Variants in FLOT2 observed in about 807,000 individuals in gnomAD.
FLOT2 encodes the protein flotillin 2.
Under a neutral mutation model 54.9 loss-of-function variants are expected in FLOT2, and 35 were observed. The observed-to-expected ratio is 0.64, with a 90% CI of 0.49 to 0.84. FLOT2 has a LOEUF of 0.84. Ranked by LOEUF, FLOT2 falls within the 40% of genes least tolerant of loss-of-function variation. The pLI, the probability that FLOT2 is intolerant of heterozygous loss-of-function variation, is 0.00. For synonymous variants in FLOT2, 207 were observed against 228.9 expected (o/e 0.90, Z 0.86); for missense variants, 464 against 572.1 (o/e 0.81, Z 1.93).
rs1176709909 is a variant in FLOT2, at chr17:28,882,703, G to C, written c.347-12C>G. On this transcript the variant is annotated splice_polypyrimidine_tract_variant and intron_variant, in intron 4 of 10. Transcript: ENST00000394908. This position sits in a 1 kb window ranked among gnomAD's most constrained non-coding sequence, Gnocchi z 5.6. The stretch of plus-strand genomic sequence containing the variant: ...CACTGTCAGGGTCCCTGGGGGCAGA[G>C]GGATCAAGGGCTGGCTCCCCAGGGA... 6 of 1,576,196 alleles carry C rather than the reference G, an allele frequency of 3.8e-6. No individual in the cohort carries two copies. Among genetic ancestry groups the C allele is most frequent in the Non-Finnish European group, 4.4e-6 (5 of 1,146,052 alleles).
intron 1 of FLOT2, among the ~76,000 whole-genome samples, chr17:28,889,579 G>A (rs144401412): frequency 2.0e-5 from 3 of 151,916 alleles, no homozygotes; most frequent in Non-Finnish European, 4.4e-5. Context: ...CAATCTGCCT[G>A]CCTTGGCCTC....
In FLOT2 at chr17:28,881,308, C is replaced by A; in HGVS notation, c.982G>T (p.Ala328Ser). ...GCCTTGCCCATCGCCTCGATGACTG[C>A]CGCTTCCGCCTCCCCGATTTTGCGG... The part of the protein sequence containing the change: ...KIRKIGEAEA[A>S]VIEAMGKAEA... The change falls in exon 9 of 11, where the codon GCA becomes TCA. Residue 328 changes from alanine to serine, a missense_variant. Ala to Ser is a moderately conservative substitution (Grantham distance 99). Coordinates refer to ENST00000394908, the MANE Select transcript of FLOT2 (RefSeq NM_004475.3). The A allele has an allele frequency of 6.2e-7, 1 of 1,614,050 alleles. No individual in the cohort carries two copies. Among genetic ancestry groups the A allele is most frequent in the Non-Finnish European group, 8.5e-7 (1 of 1,180,020 alleles).
At chr17:28,885,495 G>A (rs1194514799) in intron 2 of FLOT2, 6 of 684,866 alleles carry the variant, frequency 8.8e-6, no homozygotes, top group South Asian at 1.6e-5. Flanking sequence ...GCAATGAAGA[G>A]GGGAACCCAC....
chr17:28,887,552 G>T (rs1308322060), intron 2 of FLOT2, among the ~76,000 whole-genome samples: 5 of 152,224 alleles, frequency 3.3e-5, no homozygotes, highest in Admixed American at 1.3e-4. Context: ...TTCTGTCCTG[G>T]CTCTGCTCCC....
Position 28,897,696 on chromosome 17 carries a change from C to A in FLOT2, c.-122G>T. The A allele has an allele frequency of 4.5e-6, 4 of 886,738 alleles. No individual in the cohort carries two copies. The highest frequency in any genetic ancestry group is 6.0e-6 in the Non-Finnish European group (4 of 665,124). The allele number at this position is 886,738 out of a possible 1,614,324, so 54.9% of individuals were successfully genotyped here. On this transcript the variant is annotated 5_prime_UTR_variant, in exon 1 of 11. Transcript: ENST00000394908. The surrounding 1 kb of genome is among the most constrained non-coding windows in gnomAD (Gnocchi z 4.4). Reference sequence around the variant, plus strand: ...CAGCGGCCGGCCGCCCGCTCGCTCGCCCGCGCCCCTCTGCGGTCGCAGCCC... The same window carrying A: ...CAGCGGCCGGCCGCCCGCTCGCTCGACCGCGCCCCTCTGCGGTCGCAGCCC...
chr17:28,881,182 G>C lies in FLOT2; in HGVS notation c.1098+10C>G. 6.2e-7 allele frequency: 1 copy of C among 1,611,514 alleles called. No individual in the cohort carries two copies. The highest frequency in any genetic ancestry group is 8.5e-7 in the Non-Finnish European group (1 of 1,178,658). ...TTGAACCCTAGGACCCGCTTGGGTG[G>C]AAGCCTCACCTGGGGCAGGGCCTCT... is the stretch of plus-strand genomic sequence containing the variant. On this transcript the variant is annotated intron_variant, in intron 9 of 10. Transcript: ENST00000394908.
chr17:28,897,124 G>T lies in FLOT2; in HGVS notation c.49+402C>A, dbSNP rs532870325. Among the ~76,000 whole-genome samples the T allele has an allele frequency of 6.6e-6, 1 of 152,134 alleles. No individual in the cohort carries two copies. Among genetic ancestry groups the T allele is most frequent in the Non-Finnish European group, 1.5e-5 (1 of 68,026 alleles). ...CCCCATACAGGCACCTGCCCTCCAG[G>T]GCTGCGCGACCCGCCCCCCATCCCG... On this transcript the variant is annotated intron_variant, in intron 1 of 10. Coordinates refer to ENST00000394908, the MANE Select transcript of FLOT2 (RefSeq NM_004475.3). This position sits in a 1 kb window ranked among gnomAD's most constrained non-coding sequence, Gnocchi z 4.4.
chr17:28,897,384 G>A lies in FLOT2; in HGVS notation c.49+142C>T, dbSNP rs1043878746. On this transcript the variant is annotated intron_variant, in intron 1 of 10. Transcript: ENST00000394908. The surrounding 1 kb of genome is among the most constrained non-coding windows in gnomAD (Gnocchi z 4.4). Reference sequence around the variant, plus strand: ...AAGCGTGAGCACGAGATCTCTCTTGGAAGGGGCCTCAGGTGCGGCCCGGGG... The same window carrying A: ...AAGCGTGAGCACGAGATCTCTCTTGAAAGGGGCCTCAGGTGCGGCCCGGGG... The A allele has an allele frequency of 4.2e-6, 3 of 718,068 alleles. No homozygotes were observed. Among genetic ancestry groups the A allele is most frequent in the Non-Finnish European group, 6.6e-6 (3 of 452,180 alleles). 44.5% of individuals were successfully genotyped at this position (718,068 alleles called of 1,614,324 possible).
In FLOT2 at chr17:28,880,214, C is replaced by G; in HGVS notation, c.*347G>C. On this transcript the variant is annotated 3_prime_UTR_variant, in exon 11 of 11. Transcript: ENST00000394908. ...TTCAAGGCACCAGGATTCTGAGGAGCAGCAGGGCCACCCCCCACAGAGAGT... is the reference window on the plus strand; with the variant it reads ...TTCAAGGCACCAGGATTCTGAGGAGGAGCAGGGCCACCCCCCACAGAGAGT... The G allele has an allele frequency of 8.7e-7, 1 of 1,151,718 alleles. No homozygotes were observed. The highest frequency in any genetic ancestry group is 1.1e-6 in the Non-Finnish European group (1 of 929,978). The allele number at this position is 1,151,718 out of a possible 1,614,324, so 71.3% of individuals were successfully genotyped here. A position where few individuals can be genotyped will look rare whatever the true frequency, so the allele number is the denominator to read the frequency against.
intron 8 of FLOT2, 137 bp from the exon 9 acceptor site, chr17:28,881,512 C>T: frequency 3.2e-6 from 3 of 924,516 alleles, no homozygotes; most frequent in East Asian, 5.1e-5. Context: ...AGTGGGGTGG[C>T]CTGACCTTCC....
At chr17:28,881,573 C>G (rs1408604592) in intron 8 of FLOT2, among the ~76,000 whole-genome samples, 198 bp from the exon 9 acceptor site, 1 of 152,244 alleles carries the variant, frequency 6.6e-6, no homozygotes, top group Non-Finnish European at 1.5e-5. Context: ...TGGGAGGGGA[C>G]AAACCAGGAT....
chr17:28,890,972 T>C (rs1598099518), intron 1 of FLOT2, among the ~76,000 whole-genome samples: 1 of 151,546 alleles, frequency 6.6e-6, no homozygotes, highest in East Asian at 1.9e-4. Flanking sequence ...CCTCCACCTC[T>C]TGGGCTCAAT....
At position 28,882,687 on chromosome 17, in the gene FLOT2, G is replaced by C. The variant is rs374636711; in HGVS notation, c.351C>G (p.Thr117=). 3.1e-6 allele frequency: 5 copies of C among 1,608,420 alleles called. No individual in the cohort carries two copies. The African/African-American group carries it at 6.7e-5, about 21-fold the overall frequency. ...LEGHLRSILG[T]LTVEQIYQDR... ...CCTGATAAATCTGCTCCACTGTCAG[G>C]GTCCCTGGGGGCAGAGGGATCAAGG... The change falls in exon 5 of 11, where the codon ACC becomes ACG. Residue 117 remains threonine, a synonymous_variant. Transcript: ENST00000394908. This position sits in a 1 kb window ranked among gnomAD's most constrained non-coding sequence, Gnocchi z 5.6.
At chr17:28,886,523 T>C (rs1193939135) in intron 2 of FLOT2, among the ~76,000 whole-genome samples, 2 of 152,200 alleles carry the variant, frequency 1.3e-5, no homozygotes, top group African/African-American at 4.8e-5. Context: ...AGTGTGCTCC[T>C]GCCAGAATAC....
In FLOT2 at chr17:28,886,058, C is replaced by CTG. The variant is rs568425629; in HGVS notation, c.132-1744_132-1743insCA. ...AGCACCGATGCCTGACGCCTGGGGG[C>CTG]GGGGGGGGGCATGCTGTCAGTAATC... On this transcript the variant is annotated intron_variant, in intron 2 of 10. Coordinates refer to ENST00000394908, the MANE Select transcript of FLOT2 (RefSeq NM_004475.3). The CTG allele has an allele frequency of 1.7e-5, 8 of 475,542 alleles. 1 individual carries two copies. Among genetic ancestry groups the CTG allele is most frequent in the East Asian group, 1.4e-4 (4 of 29,552 alleles). 29.5% of individuals were successfully genotyped at this position (475,542 alleles called of 1,614,324 possible).
rs369574598 is a variant in FLOT2 at position 28,882,296 on chromosome 17, G to A, written c.579+41C>T. On this transcript the variant is annotated intron_variant, in intron 6 of 10. Coordinates refer to ENST00000394908, the MANE Select transcript of FLOT2 (RefSeq NM_004475.3). The surrounding 1 kb of genome is among the most constrained non-coding windows in gnomAD (Gnocchi z 5.6). ...TGAGTAGAGGTCCTGAGTCATCATG[G>A]TCCCATCACCCCTGAGCTTCCCATC... 3 of 1,613,806 alleles carry A rather than the reference G, an allele frequency of 1.9e-6. No homozygotes were observed. The African/African-American group carries it at 4.0e-5, about 22-fold the overall frequency.
chr17:28,897,681 C>CCGCCCGCTCGCT lies in FLOT2; in HGVS notation c.-119_-108dup. The stretch of plus-strand genomic sequence containing the variant: ...CTATCCCGCCACCCCCAGCGGCCGG[C>CCGCCCGCTCGCT]CGCCCGCTCGCTCGCCCGCGCCCCT... On this transcript the variant is annotated 5_prime_UTR_variant, in exon 1 of 11. Coordinates refer to ENST00000394908, the MANE Select transcript of FLOT2 (RefSeq NM_004475.3). The surrounding 1 kb of genome is among the most constrained non-coding windows in gnomAD (Gnocchi z 4.4). 9.6e-7 allele frequency: 1 copy of CCGCCCGCTCGCT among 1,045,754 alleles called. No homozygotes were observed. Among genetic ancestry groups the CCGCCCGCTCGCT allele is most frequent in the Non-Finnish European group, 1.2e-6 (1 of 805,820 alleles). The allele number at this position is 1,045,754 out of a possible 1,614,324, so 64.8% of individuals were successfully genotyped here.
chr17:28,886,439 T>C (rs1031298298), intron 2 of FLOT2, among the ~76,000 whole-genome samples: 4 of 152,204 alleles, frequency 2.6e-5, no homozygotes, highest in Admixed American at 6.5e-5. Flanking sequence ...AGGTCTGCAC[T>C]ATCTATCACT....
rs754006379 is a variant in FLOT2, at chr17:28,882,415, C to T, written c.501G>A (p.Leu167=). Residue 167 remains leucine (L), a synonymous_variant, in exon 6 of 11, where the codon CTG becomes CTA. Transcript: ENST00000394908. This position sits in a 1 kb window ranked among gnomAD's most constrained non-coding sequence, Gnocchi z 5.6. ...VYDKVDYLSS[L]GKTQTAVVQR... ...GCACCACGGCAGTCTGCGTCTTGCC[C>T]AGGGAGCTCAGATAGTCCACTTTGT... is the stretch of plus-strand genomic sequence containing the variant. 6.2e-7 allele frequency: 1 copy of T among 1,614,136 alleles called. No homozygotes were observed. The highest frequency in any genetic ancestry group is 8.5e-7 in the Non-Finnish European group (1 of 1,180,034).
Sources: gnomAD v4.1 joint callset for allele counts (sites outside exome capture counted in the v4.1 genomes callset) on GRCh38, gnomAD v4.1.1 for gene constraint, Gnocchi (gnomAD v3.1) non-coding constraint, MANE v1.5 for transcripts, NCBI Gene and HGNC (gene_info 2026-07-23, HGNC 2026-07-21) for gene names.